KANSL1L: variants seen among roughly 807,000 people sequenced by gnomAD.
KANSL1L encodes KAT8 regulatory NSL complex subunit 1-like protein.
Under a neutral mutation model 108.6 loss-of-function variants are expected in KANSL1L, and 25 were observed. The observed-to-expected ratio is 0.23, with a 90% CI of 0.17 to 0.32. The LOEUF (loss-of-function observed/expected upper bound fraction) is 0.32. Among genes scored for constraint, KANSL1L ranks in the 10% least tolerant of loss-of-function variants. KANSL1L has a pLI of 1.00. For missense variants in KANSL1L, 1,137 were observed against 1,125.7 expected (o/e 1.01, Z -0.14); for synonymous variants, 405 against 395.1 (o/e 1.03, Z -0.30).
chr2:210,123,614 A>T (rs540341537), intron 3 of KANSL1L, among the ~76,000 whole-genome samples: 63 of 152,260 alleles, frequency 4.1e-4, no homozygotes, highest in Non-Finnish European at 6.9e-4. Context: ...TTGATAGCAC[A>T]ACAGGGTGAC....
At chr2:210,074,644 C>G (rs778392770) in intron 6 of KANSL1L, among the ~76,000 whole-genome samples, 1 of 152,152 alleles carries the variant, frequency 6.6e-6, no homozygotes, top group East Asian at 1.9e-4. Flanking sequence ...AATAAGCCAC[C>G]GTGCCGGGCA....
intron 5 of KANSL1L, among the ~76,000 whole-genome samples, chr2:210,085,620 T>A (rs1170319412): frequency 1.3e-5 from 2 of 152,056 alleles, no homozygotes; most frequent in Non-Finnish European, 2.9e-5. Flanking sequence ...TTTTTCAAAA[T>A]CCCATCTTCT....
At chr2:210,094,490 T>C (rs972621018) in intron 5 of KANSL1L, among the ~76,000 whole-genome samples, 2 of 152,050 alleles carry the variant, frequency 1.3e-5, no homozygotes, top group Non-Finnish European at 2.9e-5. Context: ...TAGCAAGATA[T>C]AAGAAATAAA....
At chr2:210,094,759 A>G (rs1477709655) in intron 5 of KANSL1L, among the ~76,000 whole-genome samples, 3 of 152,056 alleles carry the variant, frequency 2.0e-5, no homozygotes, top group African/African-American at 7.2e-5. Flanking sequence ...TAAAAGTTCA[A>G]TTCTTAACTA....
intron 2 of KANSL1L, among the ~76,000 whole-genome samples, chr2:210,137,297 T>C (rs559777411): frequency 6.6e-6 from 1 of 152,334 alleles, no homozygotes; most frequent in Admixed American, 6.5e-5. Context: ...TATAGGACTT[T>C]TAGCATTTTG....
intron 2 of KANSL1L, among the ~76,000 whole-genome samples, chr2:210,146,262 A>G (rs2887881): frequency 0.98 from 149,580 of 152,238 alleles, 73,543 homozygotes; most frequent in Middle Eastern, 1. Context: ...TGTTGCTACA[A>G]ATTCATACTT....
At chr2:210,058,515 T>C (rs2094382001) in intron 6 of KANSL1L, among the ~76,000 whole-genome samples, 1 of 152,042 alleles carries the variant, frequency 6.6e-6, no homozygotes, top group Non-Finnish European at 1.5e-5. Context: ...CAGTCCCCTC[T>C]CCTTTTGAAA....
chr2:210,083,974 G>A (rs1021804679), intron 5 of KANSL1L, among the ~76,000 whole-genome samples: 14 of 151,896 alleles, frequency 9.2e-5, no homozygotes, highest in African/African-American at 3.4e-4. Context: ...CTGGTATAGA[G>A]AAAACAGTTC....
chr2:210,033,352 T>C (rs1453274312), intron 8 of KANSL1L, among the ~76,000 whole-genome samples: 6 of 152,114 alleles, frequency 3.9e-5, no homozygotes, highest in Admixed American at 1.3e-4. Context: ...GAGAGGTGGA[T>C]TTTAAAATGT....
chr2:210,048,767 A>C (rs2094255175), intron 6 of KANSL1L, among the ~76,000 whole-genome samples: 1 of 151,652 alleles, frequency 6.6e-6, no homozygotes, highest in African/African-American at 2.4e-5. Flanking sequence ...ATTTTTGTTG[A>C]AATTTTGTTC....
At position 210,022,656 on chromosome 2, in the gene KANSL1L, A is replaced by T. The variant is rs1050565768; in HGVS notation, c.*293T>A. The T allele has an allele frequency of 1.7e-5, 6 of 359,988 alleles. No individual in the cohort carries two copies. Among genetic ancestry groups the T allele is most frequent in the African/African-American group, 1.3e-4 (6 of 47,888 alleles). 22.3% of individuals were successfully genotyped at this position (359,988 alleles called of 1,614,324 possible). A position where few individuals can be genotyped will look rare whatever the true frequency, so the allele number is the denominator to read the frequency against. The stretch of plus-strand genomic sequence containing the variant: ...TGTATGGTGTGGGTACATAGTCTTA[A>T]AAATTACCCAGTAATGTGATTTGAC... On this transcript the variant is annotated 3_prime_UTR_variant, in exon 15 of 15. Transcript: ENST00000281772.
chr2:210,053,686 GA>G (rs2094317861), intron 6 of KANSL1L, among the ~76,000 whole-genome samples: 1 of 151,736 alleles, frequency 6.6e-6, no homozygotes, highest in South Asian at 2.1e-4. Flanking sequence ...AAAGTATAAT[GA>G]AAAGGTTGAT....
chr2:210,060,555 G>A (rs1049967079), intron 6 of KANSL1L, among the ~76,000 whole-genome samples: 1 of 152,160 alleles, frequency 6.6e-6, no homozygotes, highest in African/African-American at 2.4e-5. Flanking sequence ...TCTTAATAAT[G>A]TGACCATTTT....
At chr2:210,150,053 C>CT (rs2095291499) in intron 2 of KANSL1L, among the ~76,000 whole-genome samples, 1 of 152,008 alleles carries the variant, frequency 6.6e-6, no homozygotes, top group Non-Finnish European at 1.5e-5. Context: ...GCAGGTGGGG[C>CT]TTTAATAACC....
chr2:210,158,938 T>G (rs1314720141), intron 1 of KANSL1L, among the ~76,000 whole-genome samples: 1 of 152,204 alleles, frequency 6.6e-6, no homozygotes, highest in East Asian at 1.9e-4. Context: ...GACCTCCATA[T>G]TATATAAACA....
intron 1 of KANSL1L, chr2:210,170,671 A>AG (rs1217628493): frequency 2.0e-5 from 3 of 152,450 alleles, no homozygotes; most frequent in Middle Eastern, 3.4e-3. Flanking sequence ...TAAATAAAAT[A>AG]GGGGTCTCAT....
intron 12 of KANSL1L, 92 bp from the exon 13 acceptor site, chr2:210,025,308 A>T (rs964483461): frequency 1.4e-6 from 1 of 722,182 alleles, no homozygotes; most frequent in Non-Finnish European, 2.4e-6. Flanking sequence ...TGTAATCCCA[A>T]CACTTTGGAA....
chr2:210,126,799 C>T (rs2095069869), intron 3 of KANSL1L, among the ~76,000 whole-genome samples: 2 of 152,172 alleles, frequency 1.3e-5, no homozygotes, highest in African/African-American at 2.4e-5. Context: ...GCCTTGGCAA[C>T]ATACTGAGAC....
intron 8 of KANSL1L, among the ~76,000 whole-genome samples, chr2:210,031,834 T>C (rs1355688007): frequency 6.6e-6 from 1 of 152,144 alleles, no homozygotes; most frequent in Non-Finnish European, 1.5e-5. Flanking sequence ...GATATATAAA[T>C]CTTGGCGATC....
Sources: allele counts gnomAD v4.1 joint callset (sites outside exome capture counted in the v4.1 genomes callset), GRCh38; gene constraint gnomAD v4.1.1; transcripts MANE v1.5; gene names NCBI Gene and HGNC (gene_info 2026-07-23, HGNC 2026-07-21).